GRM1: variants seen among roughly 807,000 people sequenced by gnomAD.
The protein encoded by GRM1 is glutamate metabotropic receptor 1.
Under a neutral mutation model 90.9 loss-of-function variants are expected in GRM1, and 33 were observed. The observed-to-expected ratio is 0.36, with a 90% CI of 0.28 to 0.49. The LOEUF (loss-of-function observed/expected upper bound fraction) is 0.49, where lower values mean the gene tolerates loss of function less well. Ranked by LOEUF, GRM1 falls within the 20% of genes least tolerant of loss-of-function variation. The pLI is 0.99. For synonymous variants in GRM1, 700 were observed against 613.2 expected, an observed-to-expected ratio of 1.14 and a Z score of -2.09; for missense variants, 1,190 against 1,534.3, an observed-to-expected ratio of 0.78 and a Z score of 3.75.
chr6:146,263,787 C>A (rs1184267369), intron 2 of GRM1, among the ~76,000 whole-genome samples: 1 of 151,942 alleles, frequency 6.6e-6, no homozygotes, highest in African/African-American at 2.4e-5. Context: ...ATAGAAAAAT[C>A]AACTATTTCA....
In GRM1 at chr6:146,164,905, C is replaced by T. The variant is rs977253092; in HGVS notation, c.950+5308C>T. 9.9e-5 allele frequency among the ~76,000 whole-genome samples: 15 copies of T among 152,068 alleles called. No individual in the cohort carries two copies. The Middle Eastern group carries it at 0.01, about 103-fold the overall frequency. On this transcript the variant is annotated intron_variant, in intron 2 of 7. Coordinates refer to ENST00000282753, the MANE Select transcript of GRM1 (RefSeq NM_001278064.2). ...CATATTTATTTATATATTTGCTAGC[C>T]CTTTTTACTGGATTCTGACTACATC... is the stretch of plus-strand genomic sequence containing the variant.
At chr6:146,224,805 T>G (rs1015175212) in intron 2 of GRM1, among the ~76,000 whole-genome samples, 2 of 152,132 alleles carry the variant, frequency 1.3e-5, no homozygotes, top group Admixed American at 6.6e-5. Flanking sequence ...TAACAACTAC[T>G]GTTTGAAATG....
chr6:146,397,978 T>C (rs924086907), intron 6 of GRM1, among the ~76,000 whole-genome samples: 14 of 152,238 alleles, frequency 9.2e-5, no homozygotes, highest in African/African-American at 2.9e-4. Context: ...GTGAAGGGGT[T>C]GTCCCAGAGC....
At chr6:146,165,034 C>CTATCACTTTCTAT (rs2128892836) in intron 2 of GRM1, among the ~76,000 whole-genome samples, 1 of 151,930 alleles carries the variant, frequency 6.6e-6, no homozygotes, top group Non-Finnish European at 1.5e-5. Flanking sequence ...ACTCATTAGG[C>CTATCACTTTCTAT]CAACTTTCTA....
intron 2 of GRM1, among the ~76,000 whole-genome samples, chr6:146,188,647 A>G (rs1383344554): frequency 6.6e-6 from 1 of 152,188 alleles, no homozygotes; most frequent in Non-Finnish European, 1.5e-5. Flanking sequence ...CAAAGAATAC[A>G]TTTTTAAATT....
chr6:146,041,626 C>T (rs1472379644), intron 1 of GRM1, among the ~76,000 whole-genome samples: 4 of 152,064 alleles, frequency 2.6e-5, no homozygotes, highest in African/African-American at 7.2e-5. Flanking sequence ...GTGCCTCCTA[C>T]AATGTGGTGC....
intron 1 of GRM1, among the ~76,000 whole-genome samples, chr6:146,054,031 G>A (rs887840688): frequency 1.3e-5 from 2 of 152,014 alleles, no homozygotes; most frequent in African/African-American, 4.8e-5. Flanking sequence ...TATTGACTAT[G>A]AGAGATAAAA....
rs1160694125 is a variant in GRM1 at position 146,355,705 on chromosome 6, A to C, written c.1434-1821A>C. Among the ~76,000 whole-genome samples, 2 of 152,206 alleles carry C rather than the reference A, an allele frequency of 1.3e-5. 1 individual carries two copies. Among genetic ancestry groups the C allele is most frequent in the Non-Finnish European group, 2.9e-5 (2 of 68,036 alleles). On this transcript the variant is annotated intron_variant, in intron 4 of 7. Coordinates refer to ENST00000282753, the MANE Select transcript of GRM1 (RefSeq NM_001278064.2). Reference sequence around the variant, plus strand: ...AAAAAAACTAGGCCAGATACAGCCAATAGATTTCAGATGCCAACTTAGTTT... The same window carrying C: ...AAAAAAACTAGGCCAGATACAGCCACTAGATTTCAGATGCCAACTTAGTTT...
intron 7 of GRM1, among the ~76,000 whole-genome samples, chr6:146,410,328 A>G (rs1777515553): frequency 6.6e-6 from 1 of 152,204 alleles, no homozygotes; most frequent in African/African-American, 2.4e-5. Flanking sequence ...AAAATAGCAC[A>G]GTCTGTGATC....
At chr6:146,054,112 A>T (rs184022147) in intron 1 of GRM1, among the ~76,000 whole-genome samples, 65 of 152,150 alleles carry the variant, frequency 4.3e-4, no homozygotes, top group Non-Finnish European at 7.9e-4. Context: ...AAATTACAGA[A>T]CCTTGATATT....
chr6:146,028,800 G>A (rs1790596276), upstream of GRM1, among the ~76,000 whole-genome samples: 1 of 152,084 alleles, frequency 6.6e-6, no homozygotes, highest in Non-Finnish European at 1.5e-5. Context: ...TTTACAATGA[G>A]TTTCCAAATT....
At chr6:146,205,662 T>G (rs2114629482) in intron 2 of GRM1, among the ~76,000 whole-genome samples, 1 of 152,362 alleles carries the variant, frequency 6.6e-6, no homozygotes, top group South Asian at 2.1e-4. Context: ...ATAACTATAC[T>G]TAGAAATGGC....
intron 2 of GRM1, among the ~76,000 whole-genome samples, chr6:146,291,727 T>C (rs898439538): frequency 1.3e-5 from 2 of 152,014 alleles, no homozygotes; most frequent in Admixed American, 1.3e-4. Context: ...ATTACTAATA[T>C]GATAAAACTA....
intron 1 of GRM1, among the ~76,000 whole-genome samples, chr6:146,116,667 T>G (rs1419224542): frequency 6.6e-6 from 1 of 152,134 alleles, no homozygotes; most frequent in Non-Finnish European, 1.5e-5. Context: ...TTCTTATCAT[T>G]GGTTGAAGAT....
At chr6:146,381,729 T>C (rs1415945153) in intron 5 of GRM1, among the ~76,000 whole-genome samples, 1 of 152,184 alleles carries the variant, frequency 6.6e-6, no homozygotes, top group Non-Finnish European at 1.5e-5. Context: ...ACAATTCTAA[T>C]TAAAGTAGAC....
intron 1 of GRM1, among the ~76,000 whole-genome samples, chr6:146,106,293 T>C (rs1243508621): frequency 6.6e-6 from 1 of 152,220 alleles, no homozygotes; most frequent in African/African-American, 2.4e-5. Context: ...TGTCACTTTC[T>C]ATTAATATTA....
At chr6:146,242,209 G>T (rs1780890474) in intron 2 of GRM1, among the ~76,000 whole-genome samples, 1 of 152,076 alleles carries the variant, frequency 6.6e-6, no homozygotes, top group South Asian at 2.1e-4. Context: ...CATGTGTCTA[G>T]AGCTTTGCCA....
At chr6:146,286,358 A>T (rs970831858) in intron 2 of GRM1, among the ~76,000 whole-genome samples, 2 of 152,210 alleles carry the variant, frequency 1.3e-5, no homozygotes, top group Non-Finnish European at 2.9e-5. Context: ...TTTTATTTTT[A>T]AAGAATTTCA....
chr6:146,139,670 T>C (rs1018815856), intron 1 of GRM1, among the ~76,000 whole-genome samples: 8 of 152,324 alleles, frequency 5.3e-5, no homozygotes, highest in Admixed American at 4.6e-4. Flanking sequence ...AGTTTTTCAT[T>C]CCTTTATTTT....
Sources: allele counts gnomAD v4.1 joint callset (sites outside exome capture counted in the v4.1 genomes callset), GRCh38; gene constraint gnomAD v4.1.1; transcripts MANE v1.5; gene names NCBI Gene and HGNC (gene_info 2026-07-23, HGNC 2026-07-21).